HECTD2: variants seen among roughly 807,000 people sequenced by gnomAD.
HECTD2 encodes HECT domain E3 ubiquitin protein ligase 2.
HECTD2 carries 35 observed loss-of-function variants against 103.2 expected under a neutral mutation model. The observed-to-expected ratio is 0.34, with a 90% CI of 0.26 to 0.45. The LOEUF (loss-of-function observed/expected upper bound fraction) is 0.45. Ranked by LOEUF, HECTD2 falls within the 20% of genes least tolerant of loss-of-function variation. The pLI, the probability that HECTD2 is intolerant of heterozygous loss-of-function variation, is 1.00. For missense variants in HECTD2, 596 were observed against 937.4 expected (o/e 0.64, Z 4.76); for synonymous variants, 281 against 329.9 (o/e 0.85, Z 1.61).
chr10:91,410,465 G>A lies in HECTD2; in HGVS notation c.27G>A (p.Ser9=), dbSNP rs1465945011. ...TGAGTGAGGCGGTTCGGGTACCCTC[G>A]CCCGCCACTCCGCTGGTGGTGGCGG... The part of the protein sequence containing the change: MSEAVRVP[S]PATPLVVAAP... Residue 9 remains serine (S), a synonymous_variant, in exon 1 of 21, where the codon TCG becomes TCA. Transcript: ENST00000298068. 6.9e-7 allele frequency: 1 copy of A among 1,456,336 alleles called. No individual in the cohort carries two copies. Among genetic ancestry groups the A allele is most frequent in the Admixed American group, 2.4e-5 (1 of 41,026 alleles). The allele number at this position is 1,456,336 out of a possible 1,614,324, so 90.2% of individuals were successfully genotyped here.
chr10:91,424,140 G>T (rs1350423200), intron 1 of HECTD2, among the ~76,000 whole-genome samples: 1 of 152,114 alleles, frequency 6.6e-6, no homozygotes, highest in Non-Finnish European at 1.5e-5. Context: ...CAGCCTGGAT[G>T]GTTGCCACAG....
In HECTD2 at chr10:91,419,792, T is replaced by C. The variant is rs369616973; in HGVS notation, c.139-5489T>C. Among the ~76,000 whole-genome samples, 25 of 152,276 alleles carry C rather than the reference T, an allele frequency of 1.6e-4. No homozygotes were observed. In the East Asian group the frequency reaches 2.7e-3, roughly 16 times the overall value. On this transcript the variant is annotated intron_variant, in intron 1 of 20. Coordinates refer to ENST00000298068, the MANE Select transcript of HECTD2 (RefSeq NM_182765.6). ...TGGAACAGCTGGTTGAGTATCCCACTACTATTCCTCAACACCCCCAGCCCA... is the reference window on the plus strand; with the variant it reads ...TGGAACAGCTGGTTGAGTATCCCACCACTATTCCTCAACACCCCCAGCCCA...
intron 1 of HECTD2, among the ~76,000 whole-genome samples, chr10:91,412,247 T>A (rs1842939767): frequency 6.6e-6 from 1 of 152,198 alleles, no homozygotes; most frequent in Non-Finnish European, 1.5e-5. Context: ...TCAGATTAGG[T>A]GCATGTTTTT....
At chr10:91,431,210 C>G (rs1228673305) in intron 2 of HECTD2, among the ~76,000 whole-genome samples, 1 of 151,816 alleles carries the variant, frequency 6.6e-6, no homozygotes, top group Non-Finnish European at 1.5e-5. Context: ...TATTGGCCAC[C>G]ACTCTCTTCT....
chr10:91,501,863 A>G (rs1846914183), intron 20 of HECTD2, among the ~76,000 whole-genome samples: 2 of 151,920 alleles, frequency 1.3e-5, no homozygotes, highest in Admixed American at 1.3e-4. Context: ...TTAATGCATT[A>G]ATGCTTATCA....
chr10:91,506,772 T>G lies in HECTD2; in HGVS notation c.2210+5438T>G, dbSNP rs761128980. On this transcript the variant is annotated intron_variant, in intron 20 of 20. Coordinates refer to ENST00000298068, the MANE Select transcript of HECTD2 (RefSeq NM_182765.6). ...AGAGGGAATCCTCCCTAACTCATTTTATGAGGCCAACATCATTCTGATACC... is the reference window on the plus strand; with the variant it reads ...AGAGGGAATCCTCCCTAACTCATTTGATGAGGCCAACATCATTCTGATACC... Among the ~76,000 whole-genome samples, 1,044 of 152,150 alleles carry G rather than the reference T, an allele frequency of 6.9e-3. 15 individuals carry two copies. The highest frequency in any genetic ancestry group is 4.5e-3 in the Non-Finnish European group (307 of 68,036).
chr10:91,506,983 TA>T (rs1424603560), intron 20 of HECTD2, among the ~76,000 whole-genome samples: 3 of 151,734 alleles, frequency 2.0e-5, no homozygotes, highest in African/African-American at 7.3e-5. Context: ...CGCAAATCAA[TA>T]AATGTAATCC....
Position 91,512,594 on chromosome 10 carries a change from T to C in HECTD2, c.*210T>C. 2.0e-6 allele frequency: 1 copy of C among 502,320 alleles called. No homozygotes were observed. The highest frequency in any genetic ancestry group is 3.0e-5 in the East Asian group (1 of 32,886). The allele number at this position is 502,320 out of a possible 1,614,324, so 31.1% of individuals were successfully genotyped here. A position where few individuals can be genotyped will look rare whatever the true frequency, so the allele number is the denominator to read the frequency against. Reference sequence around the variant, plus strand: ...CAGAAATCGCTTGAGTGAGGAAAAGTCCACATGGCAGAGACAGGTATGGTC... The same window carrying C: ...CAGAAATCGCTTGAGTGAGGAAAAGCCCACATGGCAGAGACAGGTATGGTC... On this transcript the variant is annotated 3_prime_UTR_variant, in exon 21 of 21. Transcript: ENST00000298068.
chr10:91,439,181 G>A (rs1844277505), intron 2 of HECTD2, among the ~76,000 whole-genome samples: 1 of 152,122 alleles, frequency 6.6e-6, no homozygotes, highest in African/African-American at 2.4e-5. Flanking sequence ...TATTGCCTAG[G>A]TTTTCTTCTA....
intron 1 of HECTD2, among the ~76,000 whole-genome samples, chr10:91,414,075 G>T (rs1256400948): frequency 6.6e-6 from 1 of 152,192 alleles, no homozygotes; most frequent in Non-Finnish European, 1.5e-5. Flanking sequence ...TAGAGGTGGG[G>T]CAGAAATAAC....
intron 5 of HECTD2, among the ~76,000 whole-genome samples, chr10:91,472,567 G>T (rs1446865754): frequency 6.6e-6 from 1 of 152,050 alleles, no homozygotes; most frequent in East Asian, 1.9e-4. Context: ...TCCAACAGAG[G>T]TCTAATATCC....
At chr10:91,464,833 T>C (rs1845473305) in intron 5 of HECTD2, 1 of 152,286 alleles carries the variant, frequency 6.6e-6, no homozygotes, top group South Asian at 2.1e-4. Flanking sequence ...CAGTCCTCTC[T>C]GAGTTCTTTT....
intron 20 of HECTD2, among the ~76,000 whole-genome samples, chr10:91,505,812 G>A (rs1847137688): frequency 6.6e-6 from 1 of 152,156 alleles, no homozygotes. Context: ...CAAATCAACA[G>A]AATATACATT....
intron 2 of HECTD2, among the ~76,000 whole-genome samples, chr10:91,431,918 G>A (rs1843896495): frequency 1.3e-5 from 2 of 151,964 alleles, no homozygotes; most frequent in Admixed American, 1.3e-4. Context: ...TTCCATTACT[G>A]GTGAGGAACT....
At chr10:91,484,464 A>G (rs769025012) in intron 8 of HECTD2, 43 bp from the exon 9 acceptor site, 1 of 1,583,432 alleles carries the variant, frequency 6.3e-7, no homozygotes, top group Non-Finnish European at 8.6e-7. Context: ...TTGGAAATAG[A>G]AAATGTGAAT....
At position 91,487,657 on chromosome 10, in the gene HECTD2, TTTC is replaced by T. The variant is rs771198349; in HGVS notation, c.1095-22_1095-20del. The T allele has an allele frequency of 1.3e-6, 2 of 1,505,974 alleles. No homozygotes were observed. The highest frequency in any genetic ancestry group is 1.8e-6 in the Non-Finnish European group (2 of 1,081,956). 93.3% of individuals were successfully genotyped at this position (1,505,974 alleles called of 1,614,324 possible). On this transcript the variant is annotated intron_variant, in intron 10 of 20. Transcript: ENST00000298068. The surrounding 1 kb of genome is among the most constrained non-coding windows in gnomAD (Gnocchi z 4.1). ...TTGTTAAAAATACACCATTTTGCTT[TTTC>T]TTTTTTTCACTTGTTGAGCAGGTTT...
chr10:91,490,890 CAAAAAAAA>C (rs61035151), intron 11 of HECTD2, among the ~76,000 whole-genome samples: 1 of 13,616 alleles, frequency 7.3e-5, no homozygotes, highest in Non-Finnish European at 1.5e-4. Context: ...GACTCCGTCT[CAAAAAAAA>C]AAAAAAAAAA....
At position 91,508,819 on chromosome 10, in the gene HECTD2, G is replaced by T. The variant is rs1847302202; in HGVS notation, c.2211-3445G>T. On this transcript the variant is annotated intron_variant, in intron 20 of 20. Transcript: ENST00000298068. The stretch of plus-strand genomic sequence containing the variant: ...AAATCATGCTGCTATAAAGACACAG[G>T]CACACATATGTTTATTGCGGTATTA... 2.0e-5 allele frequency among the ~76,000 whole-genome samples: 3 copies of T among 151,960 alleles called. No individual in the cohort carries two copies. In the South Asian group the frequency reaches 6.2e-4, roughly 32 times the overall value.
intron 20 of HECTD2, among the ~76,000 whole-genome samples, chr10:91,505,305 C>T (rs994815572): frequency 4.0e-5 from 6 of 151,464 alleles, no homozygotes; most frequent in African/African-American, 1.5e-4. Context: ...ACTAAATGCT[C>T]CAATTAAAAG....
Sources: gnomAD v4.1 joint callset for allele counts (sites outside exome capture counted in the v4.1 genomes callset) on GRCh38, gnomAD v4.1.1 for gene constraint, Gnocchi (gnomAD v3.1) non-coding constraint, MANE v1.5 for transcripts, NCBI Gene and HGNC (gene_info 2026-07-23, HGNC 2026-07-21) for gene names.